The following MRTFB variants were observed in gnomAD, a reference collection of about 807,000 sequenced individuals.
MRTFB encodes myocardin related transcription factor B.
A neutral mutation model predicts 104.2 loss-of-function variants in MRTFB; 29 were observed. That is an observed-to-expected ratio of 0.28 (90% confidence interval 0.21 to 0.38). The LOEUF is 0.38. Ranked by LOEUF, MRTFB falls within the 10% of genes least tolerant of loss-of-function variation. The pLI is 1.00. For missense variants in MRTFB, 1,270 were observed against 1,341.6 expected, an observed-to-expected ratio of 0.95 and a Z score of 0.83; for synonymous variants, 535 against 519.5, an observed-to-expected ratio of 1.03 and a Z score of -0.41.
At chr16:14,154,750 T>C (rs932320279) in intron 3 of MRTFB, among the ~76,000 whole-genome samples, 3 of 152,218 alleles carry the variant, frequency 2.0e-5, no homozygotes, top group African/African-American at 7.2e-5. Flanking sequence ...ATGTCCAAGC[T>C]TACTTACTTT....
rs531753843 is a variant in MRTFB, at chr16:14,140,572, G to T, written c.-35G>T. Reference sequence around the variant, plus strand: ...CTTCAATAGGCCGTGTTTAAGAGGCGTCTTACACTCCCTGTTGCCAGTGGC... The same window carrying T: ...CTTCAATAGGCCGTGTTTAAGAGGCTTCTTACACTCCCTGTTGCCAGTGGC... On this transcript the variant is annotated 5_prime_UTR_variant, in exon 3 of 17. Coordinates refer to ENST00000571589, the MANE Select transcript of MRTFB (RefSeq NM_001308142.2). 4.3e-6 allele frequency: 7 copies of T among 1,612,672 alleles called. No individual in the cohort carries two copies. In the Admixed American group the frequency reaches 5.0e-5, roughly 12 times the overall value.
At chr16:14,246,120 G>T (rs1197016996) in intron 11 of MRTFB, among the ~76,000 whole-genome samples, 4 of 152,160 alleles carry the variant, frequency 2.6e-5, no homozygotes, top group Non-Finnish European at 2.9e-5. Context: ...CACCTCATGG[G>T]GTCGTGTGAA....
chr16:14,234,862 A>G (rs549012199), intron 9 of MRTFB, among the ~76,000 whole-genome samples: 5 of 152,348 alleles, frequency 3.3e-5, no homozygotes, highest in African/African-American at 1.2e-4. Flanking sequence ...CCAGGCCACT[A>G]AGATGAAACA....
chr16:14,238,815 A>T (rs1234700588), intron 9 of MRTFB, among the ~76,000 whole-genome samples: 1 of 152,242 alleles, frequency 6.6e-6, no homozygotes, highest in Admixed American at 6.5e-5. Flanking sequence ...CATTTCCAAT[A>T]CATAATTACT....
At chr16:14,078,717 A>G (rs1205295319) in intron 1 of MRTFB, among the ~76,000 whole-genome samples, 1 of 151,964 alleles carries the variant, frequency 6.6e-6, no homozygotes, top group African/African-American at 2.4e-5. Context: ...GGTGTAAGCC[A>G]CTGTGCCCAG....
chr16:14,258,752 C>T (rs1212149568), intron 16 of MRTFB, among the ~76,000 whole-genome samples: 1 of 152,200 alleles, frequency 6.6e-6, no homozygotes, highest in East Asian at 1.9e-4. Context: ...GCATGGGCTC[C>T]AGTATCTTTA....
At chr16:14,053,076 A>G in the MRTFB span, among the ~76,000 whole-genome samples, 1 of 152,130 alleles carries the variant, frequency 6.6e-6, no homozygotes, top group Non-Finnish European at 1.5e-5. Flanking sequence ...CTGACATACA[A>G]TGGTGTTCCA....
intron 8 of MRTFB, among the ~76,000 whole-genome samples, chr16:14,227,904 T>C (rs974020061): frequency 2.0e-5 from 3 of 150,268 alleles, no homozygotes; most frequent in Admixed American, 2.0e-4. Flanking sequence ...AAAAAACTGT[T>C]CAAAAATGGG....
intron 3 of MRTFB, among the ~76,000 whole-genome samples, chr16:14,185,407 AG>A (rs1449181207): frequency 2.6e-5 from 4 of 152,226 alleles, no homozygotes; most frequent in Non-Finnish European, 4.4e-5. Context: ...CCTTTATCCC[AG>A]AGGAGGGTCT....
chr16:14,073,564 T>C (rs921957908), intron 1 of MRTFB, among the ~76,000 whole-genome samples: 3 of 152,222 alleles, frequency 2.0e-5, no homozygotes, highest in African/African-American at 4.8e-5. Context: ...TATTCTAGAA[T>C]CTCAGATGGG....
intron 3 of MRTFB, among the ~76,000 whole-genome samples, chr16:14,198,000 C>T (rs751885869): frequency 2.3e-4 from 35 of 151,962 alleles, no homozygotes; most frequent in Non-Finnish European, 4.0e-4. Context: ...TGCTCCCTTC[C>T]CCGCAATCCC....
upstream of MRTFB, among the ~76,000 whole-genome samples, chr16:14,066,326 T>C (rs1236850298): frequency 1.3e-5 from 2 of 151,978 alleles, no homozygotes; most frequent in Admixed American, 6.6e-5. Context: ...CAGGCTGGAG[T>C]GCAGTCACGC....
intron 2 of MRTFB, among the ~76,000 whole-genome samples, chr16:14,115,216 A>G (rs1449918327): frequency 6.6e-6 from 1 of 152,230 alleles, no homozygotes; most frequent in Non-Finnish European, 1.5e-5. Flanking sequence ...TACACATTGT[A>G]CCTACTCTTT....
intron 6 of MRTFB, among the ~76,000 whole-genome samples, chr16:14,215,955 A>G (rs1175066501): frequency 1.3e-5 from 2 of 152,374 alleles, no homozygotes; most frequent in Middle Eastern, 3.4e-3. Flanking sequence ...AAATGACTCA[A>G]CCTTTATCAA....
chr16:14,038,758 G>A, the MRTFB span, among the ~76,000 whole-genome samples: 1 of 152,176 alleles, frequency 6.6e-6, no homozygotes, highest in Non-Finnish European at 1.5e-5. Context: ...CTGGTTCATG[G>A]TTGTATTAGT....
At chr16:14,073,138 A>C (rs1052342407) in intron 1 of MRTFB, among the ~76,000 whole-genome samples, 1 of 152,160 alleles carries the variant, frequency 6.6e-6, no homozygotes, top group African/African-American at 2.4e-5. Context: ...ACATTACTGG[A>C]GTTTCCCTGC....
At chr16:14,200,696 G>T in intron 3 of MRTFB, 2 of 1,538,842 alleles carry the variant, frequency 1.3e-6, no homozygotes, top group South Asian at 2.2e-5. Context: ...GTCCTCTCAA[G>T]AGAATGAAAC....
the MRTFB span, among the ~76,000 whole-genome samples, chr16:14,061,145 CA>C: frequency 7.0e-5 from 10 of 143,534 alleles, no homozygotes; most frequent in African/African-American, 1.8e-4. Flanking sequence ...GACTCCGTCT[CA>C]AAAAAAAAAC....
the MRTFB span, among the ~76,000 whole-genome samples, chr16:13,995,777 CT>C: frequency 6.6e-6 from 1 of 152,016 alleles, no homozygotes; most frequent in African/African-American, 2.4e-5. Context: ...GTGCCATGTA[CT>C]TTTAACCAAC....
Sources: gnomAD v4.1 joint callset for allele counts (sites outside exome capture counted in the v4.1 genomes callset) on GRCh38, gnomAD v4.1.1 for gene constraint, MANE v1.5 for transcripts, NCBI Gene and HGNC (gene_info 2026-07-23, HGNC 2026-07-21) for gene names.